The following NUDT16L1 variants were observed in gnomAD, a reference collection of about 807,000 sequenced individuals.
The protein encoded by NUDT16L1 is tudor-interacting repair regulator protein.
Under a neutral mutation model 17.3 loss-of-function variants are expected in NUDT16L1, and 19 were observed. The observed-to-expected ratio is 1.10, with a 90% CI of 0.77 to 1.61. The LOEUF is 1.61. Among genes scored for constraint, NUDT16L1 ranks in the 40% most tolerant of loss-of-function variants. The pLI, the probability that NUDT16L1 is intolerant of heterozygous loss-of-function variation, is 0.00. For missense variants in NUDT16L1, 341 were observed against 292.0 expected, an observed-to-expected ratio of 1.17 and a Z score of -1.22; for synonymous variants, 255 against 138.6, an observed-to-expected ratio of 1.84 and a Z score of -5.90.
At chr16:4,694,284 C>CCGTGG in intron 2 of NUDT16L1, 46 bp downstream of exon 2, 1 of 1,475,700 alleles carries the variant, frequency 6.8e-7, no homozygotes, top group Non-Finnish European at 8.9e-7. Context: ...GGGTTTGGCT[C>CCGTGG]TGGCCCCGTG....
At chr16:4,694,844 G>C (rs2079504144) in intron 2 of NUDT16L1, 114 bp from the exon 3 acceptor site, 2 of 1,474,630 alleles carry the variant, frequency 1.4e-6, no homozygotes, top group Admixed American at 4.7e-5. Context: ...CTCCCATTAA[G>C]TCCTTGGCAA....
At position 4,694,593 on chromosome 16, in the gene NUDT16L1, G is replaced by T. The variant is rs1028095663; in HGVS notation, c.414+355G>T. 5.6e-6 allele frequency: 8 copies of T among 1,435,942 alleles called. No individual in the cohort carries two copies. In the African/African-American group the frequency reaches 1.0e-4, roughly 18 times the overall value. 89.0% of individuals were successfully genotyped at this position (1,435,942 alleles called of 1,614,324 possible). On this transcript the variant is annotated intron_variant, in intron 2 of 2. Coordinates refer to ENST00000304301, the Ensembl canonical transcript of NUDT16L1. ...AGCACAGCGGGGGTTGTAAAACTTG[G>T]GAACCTCATGTTGGGCGTGAAGGCT...
chr16:4,695,164 C>T (rs758974719), exon 3 of NUDT16L1: 19 of 1,612,660 alleles, frequency 1.2e-5, no homozygotes, highest in Admixed American at 6.7e-5. Flanking sequence ...AGAAGTTGCT[C>T]CCGGCCTCCT....
At chr16:4,694,168 G>A (rs1297847508) in exon 2 of NUDT16L1, 1 of 1,582,162 alleles carries the variant, frequency 6.3e-7, no homozygotes, top group Non-Finnish European at 8.5e-7. Context: ...CTGTACGCGC[G>A]GCAGCTGACG....
At chr16:4,694,610 G>C (rs1413656289) in intron 2 of NUDT16L1, 70 of 1,429,030 alleles carry the variant, frequency 4.9e-5, no homozygotes, top group South Asian at 1.2e-4. Context: ...CATGTTGGGC[G>C]TGAAGGCTCT....
chr16:4,693,623 A>G (rs924935046), upstream of NUDT16L1: 2 of 1,259,744 alleles, frequency 1.6e-6, no homozygotes, highest in African/African-American at 1.6e-5. Context: ...TTGGCGGGGG[A>G]ACCGGACCCG....
exon 2 of NUDT16L1, chr16:4,694,127 G>A (rs367716279): frequency 2.5e-6 from 4 of 1,589,712 alleles, no homozygotes; most frequent in South Asian, 1.1e-5. Flanking sequence ...GCTCGCACCT[G>A]ACCGAGGGCC....
At chr16:4,695,085 A>C (rs762657943) in exon 3 of NUDT16L1, 1 of 1,613,642 alleles carries the variant, frequency 6.2e-7, no homozygotes, top group Admixed American at 1.7e-5. Flanking sequence ...AAGGTGCTCA[A>C]CATGATGCCC....
chr16:4,693,927 C>T (rs989636743), intron 1 of NUDT16L1, 48 bp downstream of exon 1: 21 of 1,491,832 alleles, frequency 1.4e-5, no homozygotes, highest in African/African-American at 4.4e-5. Context: ...CGGGCGGGCC[C>T]GGGCGGGGGC....
At chr16:4,694,575 CG>C (rs1201917488) in intron 2 of NUDT16L1, 3 of 1,440,774 alleles carry the variant, frequency 2.1e-6, no homozygotes, top group Non-Finnish European at 2.7e-6. Flanking sequence ...TTGAGCACAG[CG>C]GGGGTTGTAA....
At chr16:4,693,713 G>T in exon 1 of NUDT16L1, 2 of 1,493,064 alleles carry the variant, frequency 1.3e-6, no homozygotes, top group Non-Finnish European at 1.8e-6. Context: ...GGCGGGGACG[G>T]GGTCAGTGCC....
At chr16:4,693,986 G>C in exon 2 of NUDT16L1, 1 of 1,577,242 alleles carries the variant, frequency 6.3e-7, no homozygotes, top group South Asian at 1.1e-5. Flanking sequence ...AGATGCAGAT[G>C]CGTTTCGACG....
exon 3 of NUDT16L1, chr16:4,695,542 G>A (rs937707121): frequency 8.6e-6 from 4 of 462,878 alleles, no homozygotes; most frequent in Admixed American, 7.6e-5. Context: ...CCACTCAGAA[G>A]ATGGGATGTG....
intron 2 of NUDT16L1, 35 bp from the exon 3 acceptor site, chr16:4,694,923 G>C (rs755285769): frequency 7.6e-6 from 12 of 1,575,946 alleles, no homozygotes; most frequent in African/African-American, 1.3e-5. Context: ...TTGTGTGGCA[G>C]GCCTGGCCCC....
chr16:4,693,581 G>A (rs2079473073), upstream of NUDT16L1: 3 of 929,280 alleles, frequency 3.2e-6, no homozygotes, highest in Non-Finnish European at 4.2e-6. Context: ...CCGCGGCGCT[G>A]CGAGGGGCTC....
chr16:4,693,960 A>T lies in NUDT16L1; in HGVS notation c.154-18A>T. 6.5e-7 allele frequency: 1 copy of T among 1,540,252 alleles called. No homozygotes were observed. Among genetic ancestry groups the T allele is most frequent in the Non-Finnish European group, 8.7e-7 (1 of 1,152,678 alleles). On this transcript the variant is annotated intron_variant, in intron 1 of 2. Coordinates refer to ENST00000304301, the Ensembl canonical transcript of NUDT16L1. Reference sequence around the variant, plus strand: ...GGCGTCCGTCGACCCCGCGGCTGTGACCCGCGCTCCCTTGCAGATGCAGAT... The same window carrying T: ...GGCGTCCGTCGACCCCGCGGCTGTGTCCCGCGCTCCCTTGCAGATGCAGAT...
chr16:4,695,123 G>A (rs779171957), exon 3 of NUDT16L1: 2 of 1,613,374 alleles, frequency 1.2e-6, no homozygotes, highest in South Asian at 1.1e-5. Flanking sequence ...GGCCCTGGCT[G>A]CAGCCACCGA....
chr16:4,694,543 A>C, intron 2 of NUDT16L1: 1 of 1,459,270 alleles, frequency 6.9e-7, no homozygotes, highest in East Asian at 2.5e-5. Flanking sequence ...AGGAGCGGGG[A>C]TTGCTTGGGG....
Position 4,695,269 on chromosome 16 carries a change from G to A in NUDT16L1, c.*90G>A, listed in dbSNP as rs1442814675. ...CTTCTAGAGTGTTTGTGTGTACCCC[G>A]CTTCTGACTGCCTAGGGCGAGTGGG... On this transcript the variant is annotated 3_prime_UTR_variant, in exon 3 of 3. Coordinates refer to ENST00000304301, the Ensembl canonical transcript of NUDT16L1. 44 of 1,303,536 alleles carry A rather than the reference G, an allele frequency of 3.4e-5. 1 individual carries two copies. The East Asian group carries it at 3.6e-4, about 11-fold the overall frequency. 80.7% of individuals were successfully genotyped at this position (1,303,536 alleles called of 1,614,324 possible).
Sources: gnomAD v4.1 joint callset for allele counts on GRCh38, gnomAD v4.1.1 for gene constraint, MANE v1.5 for transcripts, NCBI Gene and HGNC (gene_info 2026-07-23, HGNC 2026-07-21) for gene names.